The following ITGA9 variants were observed in gnomAD, a reference collection of about 807,000 sequenced individuals.
The protein encoded by ITGA9 is integrin alpha-9.
A neutral mutation model predicts 127.8 loss-of-function variants in ITGA9; 56 were observed. The observed-to-expected ratio is 0.44, with a 90% CI of 0.35 to 0.55. The LOEUF (loss-of-function observed/expected upper bound fraction) is 0.55. Ranked by LOEUF, ITGA9 falls within the 20% of genes least tolerant of loss-of-function variation. The pLI is 0.00. For missense variants in ITGA9, 1,196 were observed against 1,347.1 expected, an observed-to-expected ratio of 0.89 and a Z score of 1.76; for synonymous variants, 508 against 514.5, an observed-to-expected ratio of 0.99 and a Z score of 0.17.
chr3:37,515,605 G>A (rs146521776), intron 9 of ITGA9, among the ~76,000 whole-genome samples: 18 of 152,296 alleles, frequency 1.2e-4, no homozygotes, highest in Non-Finnish European at 2.4e-4. Flanking sequence ...AGCCTGGTGT[G>A]GTGGTGCTTG....
At chr3:37,713,145 G>A (rs1436724073) in intron 18 of ITGA9, among the ~76,000 whole-genome samples, 2 of 152,168 alleles carry the variant, frequency 1.3e-5, no homozygotes, top group Admixed American at 1.3e-4. Flanking sequence ...CCCACCAACT[G>A]AAGACAGTGG....
chr3:37,703,957 T>C (rs1006993561), intron 18 of ITGA9, among the ~76,000 whole-genome samples: 1 of 152,070 alleles, frequency 6.6e-6, no homozygotes, highest in Admixed American at 6.5e-5. Flanking sequence ...ATCTCTCTCC[T>C]ACAAATACCA....
intron 26 of ITGA9, among the ~76,000 whole-genome samples, chr3:37,789,232 A>C: frequency 6.6e-6 from 1 of 152,218 alleles, no homozygotes; most frequent in East Asian, 1.9e-4. Context: ...TAACTTGGAA[A>C]GTAAAACTTA....
chr3:37,740,957 T>G (rs1171792977), intron 20 of ITGA9, among the ~76,000 whole-genome samples: 3 of 152,156 alleles, frequency 2.0e-5, no homozygotes, highest in African/African-American at 7.2e-5. Context: ...GTGGTAGGTT[T>G]GGTCAGGGCC....
chr3:37,783,422 G>A (rs1697002108), intron 25 of ITGA9, among the ~76,000 whole-genome samples: 1 of 152,184 alleles, frequency 6.6e-6, no homozygotes, highest in Admixed American at 6.5e-5. Context: ...GCTCACTGCA[G>A]CCTCAAACTC....
In ITGA9 at chr3:37,471,032, G is replaced by T; in HGVS notation, c.211G>T (p.Asp71Tyr). ...GGTCCTTGTGGGCGCACCAAAGGCAGATTCCAAATACAGCCCTTCAGTGAA... is the reference window on the plus strand; with the variant it reads ...GGTCCTTGTGGGCGCACCAAAGGCATATTCCAAATACAGCCCTTCAGTGAA... The part of the protein sequence containing the change: ...RWVLVGAPKA[D>Y]SKYSPSVKSP... Residue 71 changes from aspartate (D) to tyrosine (Y), a missense_variant, in exon 2 of 28, where the codon GAT becomes TAT. Asp to Tyr is a radical substitution (Grantham distance 160). Transcript: ENST00000264741. 1 of 1,614,156 alleles carries T rather than the reference G, an allele frequency of 6.2e-7. No homozygotes were observed. Among genetic ancestry groups the T allele is most frequent in the Non-Finnish European group, 8.5e-7 (1 of 1,180,020 alleles).
At chr3:37,790,334 TG>T in intron 26 of ITGA9, 2 of 531,542 alleles carry the variant, frequency 3.8e-6, no homozygotes, top group Non-Finnish European at 7.6e-6. Flanking sequence ...CACAGGAGGC[TG>T]TTGGTAGAGG....
At chr3:37,546,166 T>G (rs958633767) in intron 15 of ITGA9, among the ~76,000 whole-genome samples, 4 of 152,126 alleles carry the variant, frequency 2.6e-5, no homozygotes, top group African/African-American at 9.7e-5. Context: ...AGAAAGTAAC[T>G]GTAAAAATAA....
At chr3:37,455,421 G>A (rs1054495850) in intron 1 of ITGA9, among the ~76,000 whole-genome samples, 5 of 152,294 alleles carry the variant, frequency 3.3e-5, no homozygotes, top group African/African-American at 1.2e-4. Context: ...TGAAGTGTGT[G>A]TACTTTAGAA....
At position 37,629,278 on chromosome 3, in the gene ITGA9, C is replaced by T. The variant is rs754951718; in HGVS notation, c.1781C>T (p.Pro594Leu). The T allele has an allele frequency of 7.4e-6, 12 of 1,614,074 alleles. No individual in the cohort carries two copies. The highest frequency in any genetic ancestry group is 1.7e-4 in the Middle Eastern group (1 of 6,018). The change falls in exon 16 of 28, where the codon CCG becomes CTG. Residue 594 changes from proline (P) to leucine (L), a missense_variant. Coordinates refer to ENST00000264741, the MANE Select transcript of ITGA9 (RefSeq NM_002207.3). The surrounding 1 kb of genome is among the most constrained non-coding windows in gnomAD (Gnocchi z 4.5). Reference sequence around the variant, plus strand: ...ACTGGAGAGGAGGAGAGGGAACTGCCGCCTCTGACACCAGTTCTCCGCTGG... The same window carrying T: ...ACTGGAGAGGAGGAGAGGGAACTGCTGCCTCTGACACCAGTTCTCCGCTGG... ...HVTGEEEREL[P>L]PLTPVLRWKK...
At chr3:37,745,391 A>G (rs1207369417) in intron 22 of ITGA9, 2 of 152,256 alleles carry the variant, frequency 1.3e-5, no homozygotes, top group African/African-American at 4.8e-5. Context: ...TTTTTGAGAC[A>G]GTAGAGTGAT....
At position 37,508,637 on chromosome 3, in the gene ITGA9, T is replaced by C. The variant is rs773609844; in HGVS notation, c.897+10T>C. 1 of 1,606,368 alleles carries C rather than the reference T, an allele frequency of 6.2e-7. No homozygotes were observed. The highest frequency in any genetic ancestry group is 1.3e-5 in the African/African-American group (1 of 74,762). Reference sequence around the variant, plus strand: ...AGCATCAGGTAAAAAGGTGAGGTTCTTGGTATAAGTGACTATTTTTTATTT... The same window carrying C: ...AGCATCAGGTAAAAAGGTGAGGTTCCTGGTATAAGTGACTATTTTTTATTT... On this transcript the variant is annotated intron_variant, in intron 8 of 27. Transcript: ENST00000264741.
At chr3:37,674,401 T>G (rs1333761871) in intron 17 of ITGA9, among the ~76,000 whole-genome samples, 1 of 152,146 alleles carries the variant, frequency 6.6e-6, no homozygotes, top group African/African-American at 2.4e-5. Context: ...CCTTCCTAGG[T>G]GGGGAAGCTG....
chr3:37,789,764 G>A (rs769577245), intron 26 of ITGA9, among the ~76,000 whole-genome samples: 7 of 67,118 alleles, frequency 1.0e-4, no homozygotes, highest in South Asian at 5.7e-4. Context: ...GTGAGACTCC[G>A]TCTCAAAAAA....
intron 14 of ITGA9, among the ~76,000 whole-genome samples, chr3:37,536,670 G>T (rs1699211272): frequency 6.6e-6 from 1 of 152,222 alleles, no homozygotes; most frequent in South Asian, 2.1e-4. Flanking sequence ...TCATGGGAGT[G>T]TTCAGGACCA....
At position 37,750,556 on chromosome 3, in the gene ITGA9, TC is replaced by T; in HGVS notation, c.2530del (p.Gln844ArgfsTer56). ...TCTGGTGGTGCAGAGATGTTTCATG[TC>T]CAGGAAATGGTGGTGAGTTCTCCAT... ...LSSGGAEMFH[V>X]QEMVVGQEKG... On this transcript the variant is annotated frameshift_variant, in exon 23 of 28. Coordinates refer to ENST00000264741, the MANE Select transcript of ITGA9 (RefSeq NM_002207.3). LOFTEE classifies it high-confidence loss of function. 6.2e-7 allele frequency: 1 copy of T among 1,608,096 alleles called. No homozygotes were observed. The highest frequency in any genetic ancestry group is 8.5e-7 in the Non-Finnish European group (1 of 1,174,496).
At chr3:37,467,661 G>T (rs1379760282) in intron 1 of ITGA9, among the ~76,000 whole-genome samples, 6 of 152,138 alleles carry the variant, frequency 3.9e-5, no homozygotes, top group Non-Finnish European at 7.4e-5. Context: ...ATTTTTTTGT[G>T]ATTTTTGTAA....
intron 15 of ITGA9, among the ~76,000 whole-genome samples, chr3:37,622,306 G>T (rs925432981): frequency 6.6e-6 from 1 of 151,828 alleles, no homozygotes; most frequent in Non-Finnish European, 1.5e-5. Flanking sequence ...AGCCAGGATG[G>T]TCTCGATCTT....
At chr3:37,679,621 A>G (rs1342807488) in intron 17 of ITGA9, among the ~76,000 whole-genome samples, 2 of 152,166 alleles carry the variant, frequency 1.3e-5, no homozygotes, top group Non-Finnish European at 2.9e-5. Flanking sequence ...ATGTTCATTC[A>G]TTCAAGTGTT....
Sources: allele counts gnomAD v4.1 joint callset (sites outside exome capture counted in the v4.1 genomes callset), GRCh38; gene constraint gnomAD v4.1.1; non-coding constraint Gnocchi (gnomAD v3.1); transcripts MANE v1.5; gene names NCBI Gene and HGNC (gene_info 2026-07-23, HGNC 2026-07-21).